Variants in SERGEF observed in about 807,000 individuals in gnomAD.
SERGEF encodes secretion regulating guanine nucleotide exchange factor, also known as secretion-regulating guanine nucleotide exchange factor.
SERGEF carries 51 observed loss-of-function variants against 50.0 expected under a neutral mutation model. The ratio of observed to expected loss-of-function variants is 1.02; its 90% confidence interval spans 0.81 to 1.29. The LOEUF is 1.29. SERGEF is among the 50% of genes most tolerant of loss of function. The probability of loss-of-function intolerance (pLI) is 0.00; values close to 1 mark genes in which losing one functional copy is unlikely to be tolerated. For missense variants in SERGEF, 521 were observed against 557.0 expected (o/e 0.94, Z 0.65); for synonymous variants, 205 against 212.4 (o/e 0.97, Z 0.30).
chr11:17,984,664 T>C (rs1004407307), intron 8 of SERGEF, among the ~76,000 whole-genome samples: 1 of 152,172 alleles, frequency 6.6e-6, no homozygotes, highest in East Asian at 1.9e-4. Flanking sequence ...GACAGTGGGC[T>C]GAACTAGGGT....
At chr11:17,844,424 A>G (rs573421150) in intron 10 of SERGEF, among the ~76,000 whole-genome samples, 1 of 152,198 alleles carries the variant, frequency 6.6e-6, no homozygotes, top group Non-Finnish European at 1.5e-5. Context: ...ATAGGTTTTC[A>G]TAATTAAGAA....
At chr11:17,920,641 G>T (rs1205037884) in intron 9 of SERGEF, among the ~76,000 whole-genome samples, 1 of 152,162 alleles carries the variant, frequency 6.6e-6, no homozygotes, top group African/African-American at 2.4e-5. Flanking sequence ...ACTCTAGCAG[G>T]CAAAGTCTCC....
chr11:17,883,155 C>T (rs531872), intron 9 of SERGEF, among the ~76,000 whole-genome samples: 58,601 of 151,986 alleles, frequency 0.39, 11,423 homozygotes, highest in South Asian at 0.41. Flanking sequence ...AGATCTCCCA[C>T]CCACCCACCA....
chr11:17,806,367 C>T (rs1055270196), intron 10 of SERGEF, among the ~76,000 whole-genome samples: 2 of 152,182 alleles, frequency 1.3e-5, no homozygotes, highest in African/African-American at 2.4e-5. Flanking sequence ...TGAGCTCTTA[C>T]CATATATCAA....
intron 9 of SERGEF, among the ~76,000 whole-genome samples, chr11:17,899,019 T>A (rs1220446428): frequency 6.6e-6 from 1 of 152,220 alleles, no homozygotes; most frequent in African/African-American, 2.4e-5. Flanking sequence ...TTCTCTCTCC[T>A]GCTCCTGCTC....
At chr11:17,938,460 A>G (rs761845126) in intron 9 of SERGEF, among the ~76,000 whole-genome samples, 1 of 152,188 alleles carries the variant, frequency 6.6e-6, no homozygotes, top group Non-Finnish European at 1.5e-5. Context: ...AGCTAGGTTT[A>G]GAACCCAAGT....
intron 2 of SERGEF, among the ~76,000 whole-genome samples, 155 bp from the exon 3 acceptor site, chr11:18,006,901 C>G (rs1444538714): frequency 6.6e-6 from 1 of 152,204 alleles, no homozygotes. Flanking sequence ...ATTCTGGAGC[C>G]AAACAACACA....
At chr11:17,831,484 G>C (rs1470296473) in intron 10 of SERGEF, among the ~76,000 whole-genome samples, 2 of 152,182 alleles carry the variant, frequency 1.3e-5, no homozygotes, top group Non-Finnish European at 2.9e-5. Flanking sequence ...AGACAATGAG[G>C]GCAGTTCCAA....
In SERGEF at chr11:18,013,001, C is replaced by T. The variant is rs921807829; in HGVS notation, c.10G>A (p.Glu4Lys). Residue 4 changes from glutamate to lysine, a missense_variant, in exon 1 of 11, where the codon GAG (glutamate) becomes AAG (lysine). Transcript: ENST00000265965. This position sits in a 1 kb window ranked among gnomAD's most constrained non-coding sequence, Gnocchi z 4.3. MER[E>K]PSASEAAPAA... ...GGGGCGGCCTCCGAGGCGCTGGGCT[C>T]GCGCTCCATGCGAGGACGCTCCGCC... 28 of 1,445,950 alleles carry T rather than the reference C, an allele frequency of 1.9e-5. No individual in the cohort carries two copies. The highest frequency in any genetic ancestry group is 3.0e-5 in the African/African-American group (2 of 66,530). The allele number at this position is 1,445,950 out of a possible 1,614,324, so 89.6% of individuals were successfully genotyped here.
At chr11:17,883,462 C>A (rs1851373174) in intron 9 of SERGEF, among the ~76,000 whole-genome samples, 1 of 152,186 alleles carries the variant, frequency 6.6e-6, no homozygotes, top group Non-Finnish European at 1.5e-5. Flanking sequence ...TGGCTAACTG[C>A]TTTACCTATA....
chr11:17,815,616 A>G (rs1454997836), intron 10 of SERGEF, among the ~76,000 whole-genome samples: 1 of 148,768 alleles, frequency 6.7e-6, no homozygotes, highest in East Asian at 2.0e-4. Flanking sequence ...CTCCATCTCA[A>G]AACAAAACAA....
intron 9 of SERGEF, among the ~76,000 whole-genome samples, chr11:17,929,423 T>C (rs1852312362): frequency 6.6e-6 from 1 of 152,114 alleles, no homozygotes; most frequent in African/African-American, 2.4e-5. Context: ...AGGACACGTG[T>C]GTGGACATTC....
intron 3 of SERGEF, among the ~76,000 whole-genome samples, chr11:18,005,717 A>AC (rs1459586781): frequency 2.0e-5 from 3 of 152,220 alleles, no homozygotes; most frequent in Non-Finnish European, 4.4e-5. Flanking sequence ...AAGGGAACAG[A>AC]CGTCAGCTGA....
chr11:17,990,837 GCTCA>G (rs1351163850), intron 7 of SERGEF, among the ~76,000 whole-genome samples: 1 of 151,866 alleles, frequency 6.6e-6, no homozygotes, highest in Non-Finnish European at 1.5e-5. Flanking sequence ...TGTGATCTCG[GCTCA>G]CTGCAACCTC....
Position 17,926,349 on chromosome 11 carries a change from C to A in SERGEF, c.1011+33121G>T, listed in dbSNP as rs533338222. ...TAAGAAGCTTCCAGAATCTTACCCTCCACAACCACAGAAGAAGACAGTTCT... is the reference window on the plus strand; with the variant it reads ...TAAGAAGCTTCCAGAATCTTACCCTACACAACCACAGAAGAAGACAGTTCT... On this transcript the variant is annotated intron_variant, in intron 9 of 10. Coordinates refer to ENST00000265965, the MANE Select transcript of SERGEF (RefSeq NM_012139.4). Among the ~76,000 whole-genome samples, 14 of 152,188 alleles carry A rather than the reference C, an allele frequency of 9.2e-5. No individual in the cohort carries two copies. In the East Asian group the frequency reaches 2.7e-3, roughly 29 times the overall value.
chr11:17,864,959 A>AATTG (rs1484517980), intron 10 of SERGEF, among the ~76,000 whole-genome samples: 3 of 152,244 alleles, frequency 2.0e-5, no homozygotes, highest in African/African-American at 2.4e-5. Flanking sequence ...CCATTTAAAA[A>AATTG]ATTGTGAGGC....
At chr11:17,957,061 T>C (rs1487391453) in intron 9 of SERGEF, among the ~76,000 whole-genome samples, 2 of 152,080 alleles carry the variant, frequency 1.3e-5, no homozygotes, top group Non-Finnish European at 2.9e-5. Context: ...AGTCTGAACC[T>C]GAAATGAGAT....
At chr11:17,793,557 T>A (rs1849520902) in intron 10 of SERGEF, among the ~76,000 whole-genome samples, 1 of 151,878 alleles carries the variant, frequency 6.6e-6, no homozygotes, top group Non-Finnish European at 1.5e-5. Flanking sequence ...GGAAGGAGAG[T>A]GGCCTACAGA....
At chr11:17,904,759 G>A (rs1851807789) in intron 9 of SERGEF, among the ~76,000 whole-genome samples, 1 of 152,124 alleles carries the variant, frequency 6.6e-6, no homozygotes, top group Non-Finnish European at 1.5e-5. Context: ...CCAAGACCAA[G>A]GAAATTATTT....
Sources: gnomAD v4.1 joint callset for allele counts (sites outside exome capture counted in the v4.1 genomes callset) on GRCh38, gnomAD v4.1.1 for gene constraint, Gnocchi (gnomAD v3.1) non-coding constraint, MANE v1.5 for transcripts, NCBI Gene and HGNC (gene_info 2026-07-23, HGNC 2026-07-21) for gene names.